The following ELP4 variants were observed in gnomAD, a reference collection of about 807,000 sequenced individuals.
ELP4 encodes elongator acetyltransferase complex subunit 4.
Under a neutral mutation model 48.9 loss-of-function variants are expected in ELP4, and 51 were observed. The ratio of observed to expected loss-of-function variants is 1.04; its 90% CI spans 0.83 to 1.32. ELP4 has a LOEUF of 1.32. Ranked by LOEUF, ELP4 falls within the 40% of genes most tolerant of loss-of-function variation. The pLI is 0.00. For missense variants in ELP4, 519 were observed against 514.6 expected (o/e 1.01, Z -0.08); for synonymous variants, 210 against 189.2 (o/e 1.11, Z -0.90).
chr11:31,748,394 G>A (rs558045771), intron 9 of ELP4, among the ~76,000 whole-genome samples: 34 of 152,062 alleles, frequency 2.2e-4, no homozygotes, highest in African/African-American at 7.0e-4. Context: ...ACAGGCGCAC[G>A]CCACTATGCC....
chr11:31,529,943 A>C (rs1956366717), intron 2 of ELP4, among the ~76,000 whole-genome samples: 1 of 152,202 alleles, frequency 6.6e-6, no homozygotes, highest in Non-Finnish European at 1.5e-5. Flanking sequence ...ACTTAATACA[A>C]CAGGTCAGAG....
intron 9 of ELP4, among the ~76,000 whole-genome samples, chr11:31,691,546 C>A (rs1440508118): frequency 6.6e-6 from 1 of 151,976 alleles, no homozygotes; most frequent in Non-Finnish European, 1.5e-5. Flanking sequence ...TTTAGTACAT[C>A]ATTTTCTCAT....
At chr11:31,736,951 G>A (rs1163797439) in intron 9 of ELP4, among the ~76,000 whole-genome samples, 1 of 152,200 alleles carries the variant, frequency 6.6e-6, no homozygotes, top group East Asian at 1.9e-4. Flanking sequence ...ATTTGACCCA[G>A]CCATCCCATT....
intron 9 of ELP4, among the ~76,000 whole-genome samples, chr11:31,763,932 A>G (rs2134258504): frequency 6.6e-6 from 1 of 152,200 alleles, no homozygotes; most frequent in South Asian, 2.1e-4. Flanking sequence ...TATTATTTTC[A>G]TAAGTCATGG....
intron 9 of ELP4, among the ~76,000 whole-genome samples, chr11:31,770,707 G>C (rs1456709856): frequency 6.6e-6 from 1 of 151,780 alleles, no homozygotes; most frequent in Non-Finnish European, 1.5e-5. Flanking sequence ...CTTGAGCCCA[G>C]GAGTTTGAGA....
rs116009229 is a variant in ELP4 at position 31,640,342 on chromosome 11, A to G, written c.928-7399A>G. 4.4e-3 allele frequency among the ~76,000 whole-genome samples: 666 copies of G among 151,976 alleles called. 8 individuals carry two copies. Among genetic ancestry groups the G allele is most frequent in the African/African-American group, 0.015 (643 of 41,510 alleles). ...AAAACATGAGTTTTGAATTATTCCT[A>G]TTTATATACTTGGTTACGTACTTTC... On this transcript the variant is annotated intron_variant, in intron 7 of 9. Coordinates refer to ENST00000640961, the MANE Select transcript of ELP4 (RefSeq NM_019040.5).
intron 9 of ELP4, among the ~76,000 whole-genome samples, chr11:31,722,395 C>A (rs1051260763): frequency 6.6e-6 from 1 of 152,094 alleles, no homozygotes; most frequent in Non-Finnish European, 1.5e-5. Flanking sequence ...ATTAGTTATA[C>A]ATTTTAAAAT....
chr11:31,765,916 C>A (rs1948030671), intron 9 of ELP4, among the ~76,000 whole-genome samples: 1 of 151,786 alleles, frequency 6.6e-6, no homozygotes, highest in African/African-American at 2.4e-5. Flanking sequence ...TACTCATTTC[C>A]AAGAGAATTA....
chr11:31,594,863 A>C lies in ELP4; in HGVS notation c.475A>C (p.Lys159Gln). Reference protein sequence around the residue: ...HKTPESNIKMKIAWRYQLLPK... With the variant: ...HKTPESNIKMQIAWRYQLLPK... ...AACACCAGAATCTAATATTAAGATG[A>C]AAATAGCTTGGCGTTACCAGTTATT... Residue 159 changes from lysine (K) to glutamine (Q), a missense_variant, in exon 4 of 10, where the codon AAA becomes CAA. Coordinates refer to ENST00000640961, the MANE Select transcript of ELP4 (RefSeq NM_019040.5). 6.4e-7 allele frequency: 1 copy of C among 1,565,780 alleles called. No individual in the cohort carries two copies. The highest frequency in any genetic ancestry group is 8.6e-7 in the Non-Finnish European group (1 of 1,163,516).
At chr11:31,649,067 C>G (rs2134071915) in intron 8 of ELP4, 1 of 151,692 alleles carries the variant, frequency 6.6e-6, no homozygotes, top group Middle Eastern at 3.4e-3. Context: ...CTTGAAACAC[C>G]TTTTAAATTT....
chr11:31,546,052 G>C (rs563677080), intron 3 of ELP4, among the ~76,000 whole-genome samples: 5 of 151,860 alleles, frequency 3.3e-5, no homozygotes, highest in African/African-American at 1.2e-4. Flanking sequence ...AAAGACCATC[G>C]AGACTAGGAA....
In ELP4 at chr11:31,677,202, G is replaced by C. The variant is rs532481074; in HGVS notation, c.1143+26981G>C. Among the ~76,000 whole-genome samples the C allele has an allele frequency of 2.6e-5, 4 of 152,308 alleles. No homozygotes were observed. The East Asian group carries it at 7.7e-4, about 29-fold the overall frequency. ...ATCTCCTCACTTTCTGTTGCCATGAGTGTGTCCCATGGTCATCATGAAACA... is the reference window on the plus strand; with the variant it reads ...ATCTCCTCACTTTCTGTTGCCATGACTGTGTCCCATGGTCATCATGAAACA... On this transcript the variant is annotated intron_variant, in intron 9 of 9. Transcript: ENST00000640961.
rs563433885 is a variant in ELP4 at position 31,693,665 on chromosome 11, G to A, written c.1143+43444G>A. Reference sequence around the variant, plus strand: ...ATAGCAGCATGATTTGTAATCCTTCGAGTATATACCCAGTAATGGGATGGC... The same window carrying A: ...ATAGCAGCATGATTTGTAATCCTTCAAGTATATACCCAGTAATGGGATGGC... On this transcript the variant is annotated intron_variant, in intron 9 of 9. Transcript: ENST00000640961. Among the ~76,000 whole-genome samples the A allele has an allele frequency of 2.2e-4, 33 of 152,250 alleles. No homozygotes were observed. In the East Asian group the frequency reaches 3.7e-3, roughly 17 times the overall value.
chr11:31,697,093 T>C (rs920579762), intron 9 of ELP4, among the ~76,000 whole-genome samples: 1 of 152,080 alleles, frequency 6.6e-6, no homozygotes, highest in East Asian at 1.9e-4. Context: ...AAGGGATCAA[T>C]TCAACAAGAA....
intron 5 of ELP4, among the ~76,000 whole-genome samples, chr11:31,615,322 G>A (rs1466778014): frequency 6.6e-6 from 1 of 151,856 alleles, no homozygotes; most frequent in Non-Finnish European, 1.5e-5. Context: ...AACGTTAAGA[G>A]GATGTTCTCA....
chr11:31,545,635 G>A (rs1956691694), intron 3 of ELP4, among the ~76,000 whole-genome samples: 1 of 152,050 alleles, frequency 6.6e-6, no homozygotes, highest in African/African-American at 2.4e-5. Context: ...TACAGAGAAT[G>A]CCACAAAGAT....
intron 5 of ELP4, among the ~76,000 whole-genome samples, chr11:31,623,768 A>C (rs1255524345): frequency 6.6e-6 from 1 of 151,332 alleles, no homozygotes; most frequent in Non-Finnish European, 1.5e-5. Context: ...ACAGAGTAAA[A>C]AAAAAACCTA....
chr11:31,581,882 A>T (rs1957399075), intron 3 of ELP4, among the ~76,000 whole-genome samples: 1 of 151,890 alleles, frequency 6.6e-6, no homozygotes, highest in East Asian at 1.9e-4. Context: ...CCTTCCGAGT[A>T]GCTGGGACTA....
At chr11:31,693,852 C>T (rs550597220) in intron 9 of ELP4, among the ~76,000 whole-genome samples, 57 of 152,180 alleles carry the variant, frequency 3.7e-4, no homozygotes, top group Non-Finnish European at 3.8e-4. Context: ...ATGATCGCCA[C>T]TCTAACTGGT....
Sources: gnomAD v4.1 joint callset for allele counts (sites outside exome capture counted in the v4.1 genomes callset) on GRCh38, gnomAD v4.1.1 for gene constraint, MANE v1.5 for transcripts, NCBI Gene and HGNC (gene_info 2026-07-23, HGNC 2026-07-21) for gene names.